ANKZF1: variants seen among roughly 807,000 people sequenced by gnomAD.
The protein encoded by ANKZF1 is ankyrin repeat and zinc finger peptidyl tRNA hydrolase 1.
A neutral mutation model predicts 86.0 loss-of-function variants in ANKZF1; 84 were observed. The ratio of observed to expected loss-of-function variants is 0.98; its 90% CI spans 0.82 to 1.17. ANKZF1 has a LOEUF of 1.17. ANKZF1 is among the 50% of genes most tolerant of loss of function. The pLI is 0.00. For missense variants in ANKZF1, 893 were observed against 918.4 expected, an observed-to-expected ratio of 0.97 and a Z score of 0.36; for synonymous variants, 331 against 354.2, an observed-to-expected ratio of 0.93 and a Z score of 0.74.
chr2:219,234,751 C>T, intron 9 of ANKZF1, 75 bp from the exon 10 acceptor site: 1 of 1,504,980 alleles, frequency 6.6e-7, no homozygotes, highest in Non-Finnish European at 8.9e-7. Flanking sequence ...TCATTTCAGG[C>T]TTTCATTCTT....
At chr2:219,230,195 G>A (rs1574840926) in intron 1 of ANKZF1, 33 bp from the exon 2 acceptor site, 2 of 1,571,720 alleles carry the variant, frequency 1.3e-6, no homozygotes, top group East Asian at 4.6e-5. Context: ...CTCGTTTGCA[G>A]GAGCCCTGTT....
In ANKZF1 at chr2:219,234,283, A is replaced by C; in HGVS notation, c.1199A>C (p.Lys400Thr). The C allele has an allele frequency of 6.2e-7, 1 of 1,613,850 alleles. No homozygotes were observed. Reference protein sequence around the residue: ...EALGQNEESPKQGSGSEGEDG... With the variant: ...EALGQNEESPTQGSGSEGEDG... ...CTGGGGCAGAATGAGGAATCTCCCA[A>C]ACAGGGTTTGATTACTATCTGGCAA... Residue 400 changes from lysine (K) to threonine (T), a missense_variant, in exon 9 of 14, where the codon AAA becomes ACA. By Grantham distance (78) the Lys-to-Thr change is moderately conservative. Coordinates refer to ENST00000323348, the MANE Select transcript of ANKZF1 (RefSeq NM_018089.3).
At chr2:219,234,773 T>C in intron 9 of ANKZF1, 53 bp from the exon 10 acceptor site, 1 of 1,541,356 alleles carries the variant, frequency 6.5e-7, no homozygotes. Context: ...TGCATCTGCT[T>C]CTACCCTCTG....
At chr2:219,230,545 T>C in intron 2 of ANKZF1, 140 bp downstream of exon 2, 3 of 1,173,694 alleles carry the variant, frequency 2.6e-6, no homozygotes, top group Non-Finnish European at 3.5e-6. Flanking sequence ...TCACTTAATC[T>C]CTGGGTAATG....
rs747660271 is a variant in ANKZF1, at chr2:219,235,786, C to T, written c.1882C>T (p.Arg628Trp). Reference sequence around the variant, plus strand: ...GGAGCAGAAGGCAGCCCGGCGGCAACGGGAGGAACAGCAGCAGAGGCAGCA... The same window carrying T: ...GGAGCAGAAGGCAGCCCGGCGGCAATGGGAGGAACAGCAGCAGAGGCAGCA... ...KREQKAARRQ[R>W]EEQQQRQQEQ... The change falls in exon 12 of 14, where the codon CGG becomes TGG. Residue 628 changes from arginine (R) to tryptophan (W), a missense_variant. Transcript: ENST00000323348. The T allele has an allele frequency of 4.3e-5, 69 of 1,614,038 alleles. No individual in the cohort carries two copies. The Admixed American group carries it at 6.7e-4, about 16-fold the overall frequency.
At position 219,232,669 on chromosome 2, in the gene ANKZF1, C is replaced by T; in HGVS notation, c.544C>T (p.Leu182=). 1.2e-6 allele frequency: 2 copies of T among 1,613,974 alleles called. No individual in the cohort carries two copies. Among genetic ancestry groups the T allele is most frequent in the Non-Finnish European group, 8.5e-7 (1 of 1,179,978 alleles). The change falls in exon 5 of 14, where the codon CTA becomes TTA. Residue 182 remains leucine, a synonymous_variant. Transcript: ENST00000323348. ...GTTTCTTTATGCCTACCGCTGTGTCCTAGGCCCTCATCAGGCAAGTGACAG... is the reference window on the plus strand; with the variant it reads ...GTTTCTTTATGCCTACCGCTGTGTCTTAGGCCCTCATCAGGCAAGTGACAG... ...GQFLYAYRCV[L]GPHQDPPEEA...
rs371028494 is a variant in ANKZF1, at chr2:219,234,985, A to G, written c.1364A>G (p.His455Arg). 191 of 1,614,138 alleles carry G rather than the reference A, an allele frequency of 1.2e-4. No homozygotes were observed. Among genetic ancestry groups the G allele is most frequent in the Non-Finnish European group, 1.4e-4 (170 of 1,180,056 alleles). ...EKSRDQEAGA[H>R]RTLLQQTQEE... is the part of the protein sequence containing the mutation. ...AGCCGAGACCAGGAGGCTGGGGCAC[A>G]TCGGACTCTTCTCCAGCAAACTCAA... Residue 455 changes from histidine to arginine, a missense_variant, in exon 10 of 14, where the codon CAT (histidine) becomes CGT (arginine). Coordinates refer to ENST00000323348, the MANE Select transcript of ANKZF1 (RefSeq NM_018089.3).
intron 3 of ANKZF1, 73 bp downstream of exon 3, chr2:219,232,113 AT>A: frequency 6.9e-7 from 1 of 1,451,208 alleles, no homozygotes. Context: ...TAGACATTTG[AT>A]TTGTCTTAAT....
In ANKZF1 at chr2:219,232,360, C is replaced by T; in HGVS notation, c.362C>T (p.Thr121Ile). The T allele has an allele frequency of 6.2e-7, 1 of 1,614,104 alleles. No homozygotes were observed. Among genetic ancestry groups the T allele is most frequent in the South Asian group, 1.1e-5 (1 of 91,088 alleles). The stretch of plus-strand genomic sequence containing the variant: ...CTGGACTTTGAAAAGCAGAGCTCCA[C>T]AGGTGATGAGTGGTAGGGGGACCTA... Reference protein sequence around the residue: ...SALDFEKQSSTGDLSSISGSE... With the variant: ...SALDFEKQSSIGDLSSISGSE... The change falls in exon 4 of 14, where the codon ACA becomes ATA. Residue 121 changes from threonine (T) to isoleucine (I), a missense_variant and splice_region_variant. Coordinates refer to ENST00000323348, the MANE Select transcript of ANKZF1 (RefSeq NM_018089.3).
chr2:219,232,262 G>A lies in ANKZF1; in HGVS notation c.264G>A (p.Arg88=), dbSNP rs774966925. 6.2e-7 allele frequency: 1 copy of A among 1,613,960 alleles called. No individual in the cohort carries two copies. Among genetic ancestry groups the A allele is most frequent in the East Asian group, 2.2e-5 (1 of 44,882 alleles). Residue 88 remains arginine, a splice_region_variant and synonymous_variant, in exon 4 of 14, where the codon AGG becomes AGA. Transcript: ENST00000323348. The part of the protein sequence containing the change: ...DQTFQNHQEQ[R]EHYKLDWHRF... Reference sequence around the variant, plus strand: ...CTCACTCTTTGTCTTTGTACTAGAGGGAACATTATAAGCTTGACTGGCATC... The same window carrying A: ...CTCACTCTTTGTCTTTGTACTAGAGAGAACATTATAAGCTTGACTGGCATC...
At chr2:219,230,685 C>T (rs1951007387) in intron 2 of ANKZF1, 1 of 317,714 alleles carries the variant, frequency 3.1e-6, no homozygotes, top group African/African-American at 2.1e-5. Context: ...CCACATTTAA[C>T]CAGGCCCCAC....
At position 219,232,268 on chromosome 2, in the gene ANKZF1, T is replaced by C. The variant is rs1951063785; in HGVS notation, c.270T>C (p.His90=). ...TFQNHQEQRE[H]YKLDWHRFNL... The stretch of plus-strand genomic sequence containing the variant: ...CTTTGTCTTTGTACTAGAGGGAACA[T>C]TATAAGCTTGACTGGCATCGGTTTA... Residue 90 remains histidine, a synonymous_variant, in exon 4 of 14, where the codon CAT becomes CAC. Transcript: ENST00000323348. 2 of 1,614,178 alleles carry C rather than the reference T, an allele frequency of 1.2e-6. No homozygotes were observed.
At chr2:219,232,198 CCAGTA>C in intron 3 of ANKZF1, 57 bp from the exon 4 acceptor site, 1 of 1,541,064 alleles carries the variant, frequency 6.5e-7, no homozygotes, top group Non-Finnish European at 9.0e-7. Flanking sequence ...CTGGTCTTGG[CCAGTA>C]CAAGGCCAGG....
At position 219,233,158 on chromosome 2, in the gene ANKZF1, C is replaced by T. The variant is rs1295233501; in HGVS notation, c.638C>T (p.Ala213Val). ...AGAGACTGCGTGGTGCTCATGGCTG[C>T]AGCTGGGCACTTTGCTGGTGCTATA... is the stretch of plus-strand genomic sequence containing the variant. Reference protein sequence around the residue: ...GPRDCVVLMAAAGHFAGAIFQ... With the variant: ...GPRDCVVLMAVAGHFAGAIFQ... The change falls in exon 6 of 14, where the codon GCA becomes GTA. Residue 213 changes from alanine (A) to valine (V), a missense_variant. Transcript: ENST00000323348. The T allele has an allele frequency of 5.6e-6, 9 of 1,614,232 alleles. No individual in the cohort carries two copies. Among genetic ancestry groups the T allele is most frequent in the South Asian group, 1.1e-5 (1 of 91,090 alleles).
In ANKZF1 at chr2:219,233,317, C is replaced by T. The variant is rs753166685; in HGVS notation, c.703C>T (p.Arg235Cys). Residue 235 changes from arginine (R) to cysteine (C), a missense_variant, in exon 7 of 14, where the codon CGC (arginine) becomes TGC (cysteine). Transcript: ENST00000323348. Reference sequence around the variant, plus strand: ...AGTGGTGACACACAAAACTTTTCACCGCTATACGGTTCGGGCCAAGCGGGG... The same window carrying T: ...AGTGGTGACACACAAAACTTTTCACTGCTATACGGTTCGGGCCAAGCGGGG... ...REVVTHKTFHRYTVRAKRGTA... is the reference protein window; with the variant it reads ...REVVTHKTFHCYTVRAKRGTA... The T allele has an allele frequency of 1.4e-5, 22 of 1,614,112 alleles. No homozygotes were observed. Among genetic ancestry groups the T allele is most frequent in the South Asian group, 1.1e-4 (10 of 91,092 alleles).
At chr2:219,232,800 C>A in intron 5 of ANKZF1, 117 bp downstream of exon 5, 1 of 1,138,408 alleles carries the variant, frequency 8.8e-7, no homozygotes, top group Non-Finnish European at 1.2e-6. Flanking sequence ...TTGTGGGTAT[C>A]ACGCTTGACA....
Position 219,233,733 on chromosome 2 carries a change from G to C in ANKZF1, c.838G>C (p.Ala280Pro), listed in dbSNP as rs1461510134. The change falls in exon 8 of 14, where the codon GCA (alanine) becomes CCA (proline). Residue 280 changes from alanine to proline, a missense_variant. By Grantham distance (27) the Ala-to-Pro change is conservative. Transcript: ENST00000323348. Reference protein sequence around the residue: ...TLYKDVRDLLAGPSWAKALEE... With the variant: ...TLYKDVRDLLPGPSWAKALEE... Reference sequence around the variant, plus strand: ...TCTCTAGGATGTTCGTGACCTGCTGGCAGGGCCAAGCTGGGCTAAGGCGCT... The same window carrying C: ...TCTCTAGGATGTTCGTGACCTGCTGCCAGGGCCAAGCTGGGCTAAGGCGCT... 3.7e-6 allele frequency: 6 copies of C among 1,612,990 alleles called. No homozygotes were observed. Among genetic ancestry groups the C allele is most frequent in the Non-Finnish European group, 5.1e-6 (6 of 1,179,636 alleles).
rs1950997236 is a variant in ANKZF1, at chr2:219,230,413, G to T, written c.148+8G>T. The T allele has an allele frequency of 6.3e-7, 1 of 1,598,012 alleles. No homozygotes were observed. ...CGCGTACTTCCTGTTCAGGTATCCT[G>T]GAAGGTTTCGTGTGAAACGTGACAG... On this transcript the variant is annotated splice_region_variant and intron_variant, in intron 2 of 13. Transcript: ENST00000323348.
At position 219,236,305 on chromosome 2, in the gene ANKZF1, T is replaced by G. The variant is rs1414104417; in HGVS notation, c.2058-17T>G. 6.2e-7 allele frequency: 1 copy of G among 1,613,916 alleles called. No homozygotes were observed. The highest frequency in any genetic ancestry group is 1.1e-5 in the South Asian group (1 of 91,092). Reference sequence around the variant, plus strand: ...TTCTGGGGTACCTGTCCAGCCATTTTTCTTCCTCTTGTTCAGACGCTGCTG... The same window carrying G: ...TTCTGGGGTACCTGTCCAGCCATTTGTCTTCCTCTTGTTCAGACGCTGCTG... On this transcript the variant is annotated splice_polypyrimidine_tract_variant and intron_variant, in intron 13 of 13. Coordinates refer to ENST00000323348, the MANE Select transcript of ANKZF1 (RefSeq NM_018089.3).
Sources: allele counts gnomAD v4.1 joint callset, GRCh38; gene constraint gnomAD v4.1.1; transcripts MANE v1.5; gene names NCBI Gene and HGNC (gene_info 2026-07-23, HGNC 2026-07-21).